Variants in CDH23 observed in about 807,000 individuals in gnomAD.
CDH23 encodes the protein cadherin-23.
In CDH23, 189 loss-of-function variants were observed where a neutral mutation model predicts 317.1. The observed-to-expected ratio is 0.60, with a 90% CI of 0.53 to 0.67. CDH23 has a LOEUF of 0.67. Among genes scored for constraint, CDH23 ranks in the 30% least tolerant of loss-of-function variants. The pLI, the probability that CDH23 is intolerant of heterozygous loss-of-function variation, is 0.00. For missense variants in CDH23, 4,401 were observed against 4,592.4 expected, an observed-to-expected ratio of 0.96 and a Z score of 1.20; for synonymous variants, 1,839 against 1,876.8, an observed-to-expected ratio of 0.98 and a Z score of 0.52.
intron 6 of CDH23, among the ~76,000 whole-genome samples, chr10:71,540,845 A>G (rs1387830389): frequency 1.3e-5 from 2 of 151,858 alleles, no homozygotes; most frequent in African/African-American, 4.8e-5. Flanking sequence ...TGGAGCTAAG[A>G]CCAGGACAAG....
In CDH23 at chr10:71,615,456, C is replaced by A. The variant is rs757298185; in HGVS notation, c.833-48C>A. On this transcript the variant is annotated intron_variant, in intron 9 of 69. Coordinates refer to ENST00000224721, the MANE Select transcript of CDH23 (RefSeq NM_022124.6). ...TGCCCCCCTGCCCCCAGCTCCATGCCCCCCTGCCCTGTGCCTGGTCACACC... is the reference window on the plus strand; with the variant it reads ...TGCCCCCCTGCCCCCAGCTCCATGCACCCCTGCCCTGTGCCTGGTCACACC... 4 of 1,392,862 alleles carry A rather than the reference C, an allele frequency of 2.9e-6. No individual in the cohort carries two copies. The South Asian group carries it at 3.5e-5, about 12-fold the overall frequency. 86.3% of individuals were successfully genotyped at this position (1,392,862 alleles called of 1,614,324 possible).
chr10:71,650,132 T>C (rs1353677771), intron 14 of CDH23, among the ~76,000 whole-genome samples: 1 of 152,210 alleles, frequency 6.6e-6, no homozygotes, highest in African/African-American at 2.4e-5. Flanking sequence ...AGGTGGTGTG[T>C]TCTTAGGTGG....
intron 1 of CDH23, among the ~76,000 whole-genome samples, chr10:71,406,271 C>T (rs1848093455): frequency 6.6e-6 from 1 of 152,208 alleles, no homozygotes; most frequent in South Asian, 2.1e-4. Context: ...AAGGAAGTTG[C>T]AGCAACGTGG....
intron 11 of CDH23, among the ~76,000 whole-genome samples, chr10:71,641,940 A>G (rs1170426687): frequency 1.3e-5 from 2 of 152,106 alleles, no homozygotes; most frequent in Non-Finnish European, 2.9e-5. Context: ...AAAACAAAAT[A>G]CAAAAATTAG....
At chr10:71,441,736 GAA>G (rs67107908) in intron 2 of CDH23, among the ~76,000 whole-genome samples, 115 of 149,384 alleles carry the variant, frequency 7.7e-4, no homozygotes, top group Middle Eastern at 3.5e-3. Flanking sequence ...AAAGAAAAAA[GAA>G]AAAAAAAAAT....
chr10:71,633,467 C>T (rs1822174342), intron 11 of CDH23, among the ~76,000 whole-genome samples: 1 of 152,196 alleles, frequency 6.6e-6, no homozygotes, highest in Admixed American at 6.5e-5. Flanking sequence ...GAGCCCTTTG[C>T]ATGCCTGAGC....
chr10:71,780,296 A>G (rs1331583046), intron 41 of CDH23, among the ~76,000 whole-genome samples: 1 of 152,238 alleles, frequency 6.6e-6, no homozygotes, highest in Non-Finnish European at 1.5e-5. Context: ...GACACGGGCA[A>G]TGAACCAACT....
At chr10:71,614,717 A>G (rs1470988872) in intron 9 of CDH23, among the ~76,000 whole-genome samples, 1 of 152,210 alleles carries the variant, frequency 6.6e-6, no homozygotes, top group Non-Finnish European at 1.5e-5. Context: ...AGCTGGGCAG[A>G]GGATGAGGAC....
chr10:71,664,249 AAG>A (rs1278047727), intron 14 of CDH23, among the ~76,000 whole-genome samples: 2 of 152,208 alleles, frequency 1.3e-5, no homozygotes, highest in Non-Finnish European at 2.9e-5. Flanking sequence ...CGACTTCTTT[AAG>A]CCCAGAGCTG....
At chr10:71,685,694 C>G (rs1364020483) in intron 18 of CDH23, among the ~76,000 whole-genome samples, 2 of 152,190 alleles carry the variant, frequency 1.3e-5, no homozygotes, top group African/African-American at 2.4e-5. Context: ...ACACCCTGGC[C>G]CTGGGGCAGC....
rs1382388259 is a variant in CDH23, at chr10:71,811,908, C to T, written c.9320-47C>T. 3.1e-6 allele frequency: 5 copies of T among 1,612,308 alleles called. No individual in the cohort carries two copies. The African/African-American group carries it at 4.0e-5, about 13-fold the overall frequency. ...CCTCACCCCCCAACACCACCCCTACCCCTGGCTATGCCCCTCCCCTCCATG... is the reference window on the plus strand; with the variant it reads ...CCTCACCCCCCAACACCACCCCTACTCCTGGCTATGCCCCTCCCCTCCATG... On this transcript the variant is annotated intron_variant, in intron 65 of 69. Transcript: ENST00000224721.
chr10:71,403,437 C>CT (rs1253944290), intron 1 of CDH23, among the ~76,000 whole-genome samples: 1 of 74,030 alleles, frequency 1.4e-5, no homozygotes, highest in Non-Finnish European at 2.3e-5. Flanking sequence ...TCCTTCCTTC[C>CT]TTCCTTCCTT....
intron 9 of CDH23, among the ~76,000 whole-genome samples, chr10:71,580,952 G>C (rs1858586777): frequency 6.6e-6 from 1 of 152,130 alleles, no homozygotes; most frequent in South Asian, 2.1e-4. Flanking sequence ...GGAGGGCACT[G>C]TCCCCAGGGG....
At chr10:71,452,076 C>T (rs114258321) in intron 3 of CDH23, among the ~76,000 whole-genome samples, 2,160 of 152,304 alleles carry the variant, frequency 0.014, 56 homozygotes, top group African/African-American at 0.049. Flanking sequence ...GCAAGGCCCG[C>T]GCTGTGCCAG....
intron 28 of CDH23, among the ~76,000 whole-genome samples, chr10:71,718,347 C>T (rs997435493): frequency 6.6e-6 from 1 of 152,172 alleles, no homozygotes; most frequent in African/African-American, 2.4e-5. Context: ...ATGCAGAGCA[C>T]CCCACCTCCC....
At position 71,730,595 on chromosome 10, in the gene CDH23, C is replaced by G. The variant is rs397517327; in HGVS notation, c.3706C>G (p.Arg1236Gly). 1.2e-6 allele frequency: 2 copies of G among 1,613,722 alleles called. No homozygotes were observed. Among genetic ancestry groups the G allele is most frequent in the Non-Finnish European group, 1.7e-6 (2 of 1,179,886 alleles). The change falls in exon 31 of 70, where the codon CGA becomes GGA. Residue 1236 changes from arginine to glycine, a missense_variant. Physicochemically the swap from Arg to Gly is moderately radical, Grantham distance 125 (BLOSUM62 -2). Coordinates refer to ENST00000224721, the MANE Select transcript of CDH23 (RefSeq NM_022124.6). ...AGTCATCGTGGTCCAAGCCACAGAC[C>G]GAGACTCTGGTGAGGCTGGCAGGAG... ...TSVIVVQATD[R>G]DSGDGGLVNY...
chr10:71,692,418 C>T (rs1258122535), intron 20 of CDH23, among the ~76,000 whole-genome samples: 1 of 152,234 alleles, frequency 6.6e-6, no homozygotes. Flanking sequence ...TCAAATTAGC[C>T]AGGGCTGCTC....
chr10:71,569,756 C>T (rs577364477), intron 7 of CDH23, among the ~76,000 whole-genome samples: 7 of 152,188 alleles, frequency 4.6e-5, no homozygotes, highest in Non-Finnish European at 8.8e-5. Context: ...GTGAAGTGCC[C>T]GGTAGAGTGG....
chr10:71,797,716 C>T (rs762395770), intron 49 of CDH23, among the ~76,000 whole-genome samples: 1 of 152,132 alleles, frequency 6.6e-6, no homozygotes, highest in Non-Finnish European at 1.5e-5. Context: ...ACGGAGGGGC[C>T]CAGTGTTACC....
Sources: allele counts gnomAD v4.1 joint callset (sites outside exome capture counted in the v4.1 genomes callset), GRCh38; gene constraint gnomAD v4.1.1; transcripts MANE v1.5; gene names NCBI Gene and HGNC (gene_info 2026-07-23, HGNC 2026-07-21).